The following RNF4 variants were observed in gnomAD, a reference collection of about 807,000 sequenced individuals.
RNF4 encodes E3 ubiquitin-protein ligase RNF4.
In RNF4, 7 loss-of-function variants were observed where a neutral mutation model predicts 24.3. The observed-to-expected ratio is 0.29, with a 90% CI of 0.16 to 0.54. The LOEUF is 0.54. Ranked by LOEUF, RNF4 falls within the 20% of genes least tolerant of loss-of-function variation. The pLI is 0.95. For synonymous variants in RNF4, 83 were observed against 84.3 expected, an observed-to-expected ratio of 0.98 and a Z score of 0.09; for missense variants, 209 against 248.5, an observed-to-expected ratio of 0.84 and a Z score of 1.07.
intron 1 of RNF4, among the ~76,000 whole-genome samples, chr4:2,486,568 T>C (rs1735414352): frequency 1.3e-5 from 2 of 152,108 alleles, no homozygotes; most frequent in Admixed American, 1.3e-4. Flanking sequence ...GGCCAGGGCA[T>C]GGAGAATGAG....
At chr4:2,497,334 T>G (rs1233372427) in intron 3 of RNF4, 6 of 376,848 alleles carry the variant, frequency 1.6e-5, no homozygotes, top group Non-Finnish European at 2.4e-5. Flanking sequence ...TGGGGTAGGA[T>G]CCATTTAAAA....
At chr4:2,495,451 T>C (rs1343215265) in intron 2 of RNF4, among the ~76,000 whole-genome samples, 1 of 152,160 alleles carries the variant, frequency 6.6e-6, no homozygotes, top group East Asian at 1.9e-4. Context: ...TTTACATACA[T>C]GATCTCATTT....
chr4:2,484,069 C>T (rs911179290), intron 1 of RNF4, among the ~76,000 whole-genome samples: 1 of 35,710 alleles, frequency 2.8e-5, no homozygotes, highest in Admixed American at 1.7e-4. Context: ...TCAGGTGATC[C>T]CCCCCCGCCT....
chr4:2,515,632 C>T lies in RNF4; in HGVS notation c.*1813C>T, dbSNP rs1439745287. 2 of 152,476 alleles carry T rather than the reference C, an allele frequency of 1.3e-5. No homozygotes were observed. The highest frequency in any genetic ancestry group is 2.4e-5 in the African/African-American group (1 of 41,416). The allele number at this position is 152,476 out of a possible 1,614,324, so 9.4% of individuals were successfully genotyped here. A position where few individuals can be genotyped will look rare whatever the true frequency, so the allele number is the denominator to read the frequency against. Reference sequence around the variant, plus strand: ...GTTAATTATAAAAGTTGTGTTACTTCGTCCTAAATTAAATTGATAGAAAGA... The same window carrying T: ...GTTAATTATAAAAGTTGTGTTACTTTGTCCTAAATTAAATTGATAGAAAGA... On this transcript the variant is annotated 3_prime_UTR_variant, in exon 8 of 8. Transcript: ENST00000314289.
chr4:2,498,353 T>C (rs1466382912), intron 3 of RNF4, among the ~76,000 whole-genome samples: 1 of 151,840 alleles, frequency 6.6e-6, no homozygotes, highest in East Asian at 1.9e-4. Context: ...CCGGCTAAAT[T>C]TTTTTTGTAT....
chr4:2,471,294 A>G (rs558066070), intron 1 of RNF4, among the ~76,000 whole-genome samples: 10 of 152,316 alleles, frequency 6.6e-5, no homozygotes, highest in African/African-American at 2.2e-4. Context: ...TACATCTGTT[A>G]TAGTGACCTG....
intron 1 of RNF4, among the ~76,000 whole-genome samples, chr4:2,487,634 C>A (rs1214363874): frequency 6.6e-6 from 1 of 152,064 alleles, no homozygotes; most frequent in Non-Finnish European, 1.5e-5. Context: ...GTTAACCAAG[C>A]TAGTTTCCAA....
chr4:2,495,610 C>G (rs1319101247), intron 2 of RNF4, among the ~76,000 whole-genome samples: 2 of 138,990 alleles, frequency 1.4e-5, no homozygotes, highest in East Asian at 4.2e-4. Flanking sequence ...TACAAGGTGA[C>G]AGGCTCTGTT....
chr4:2,504,533 T>G (rs540442953), intron 4 of RNF4, among the ~76,000 whole-genome samples: 9 of 140,184 alleles, frequency 6.4e-5, no homozygotes. Flanking sequence ...CTTTTATTTA[T>G]TTATTTATTT....
At chr4:2,500,981 T>C (rs543337580) in intron 4 of RNF4, among the ~76,000 whole-genome samples, 34 of 152,382 alleles carry the variant, frequency 2.2e-4, no homozygotes, top group African/African-American at 7.5e-4. Flanking sequence ...AATCATTTGT[T>C]ATAGCCTTGT....
intron 1 of RNF4, among the ~76,000 whole-genome samples, chr4:2,484,455 T>C (rs1735347800): frequency 6.6e-6 from 1 of 152,142 alleles, no homozygotes; most frequent in African/African-American, 2.4e-5. Context: ...TAGAGACACA[T>C]GCACATATGC....
chr4:2,499,893 A>G (rs1283848727), intron 3 of RNF4, among the ~76,000 whole-genome samples: 1 of 152,104 alleles, frequency 6.6e-6, no homozygotes, highest in Admixed American at 6.6e-5. Context: ...ACGGTGGCTC[A>G]CGCCTGTAAT....
chr4:2,500,648 T>G lies in RNF4; in HGVS notation c.125-11T>G. The G allele has an allele frequency of 6.2e-7, 1 of 1,613,554 alleles. No homozygotes were observed. Among genetic ancestry groups the G allele is most frequent in the South Asian group, 1.1e-5 (1 of 91,014 alleles). On this transcript the variant is annotated splice_polypyrimidine_tract_variant and intron_variant, in intron 3 of 7. Transcript: ENST00000314289. ...TAATCTTAATGCTTGTTGAAATACTTTCTTTTGAAGCTGGAGATGAAATTG... is the reference window on the plus strand; with the variant it reads ...TAATCTTAATGCTTGTTGAAATACTGTCTTTTGAAGCTGGAGATGAAATTG...
chr4:2,477,694 C>T (rs948825938), intron 1 of RNF4, among the ~76,000 whole-genome samples: 5 of 152,170 alleles, frequency 3.3e-5, no homozygotes, highest in African/African-American at 9.7e-5. Context: ...CCTTGCCTTC[C>T]GCCATGATTG....
intron 1 of RNF4, among the ~76,000 whole-genome samples, chr4:2,478,114 C>T (rs889738300): frequency 1.3e-5 from 2 of 152,166 alleles, no homozygotes; most frequent in African/African-American, 4.8e-5. Flanking sequence ...CCGCATTTTG[C>T]CCCTGCCCTA....
In RNF4 at chr4:2,513,934, T is replaced by C. The variant is rs1384581763; in HGVS notation, c.*115T>C. ...AGACTGTTTCGAAACCAACATCTGA[T>C]ATGTAAACTGCTCTTTTGTTTCCAA... On this transcript the variant is annotated 3_prime_UTR_variant, in exon 8 of 8. Coordinates refer to ENST00000314289, the MANE Select transcript of RNF4 (RefSeq NM_002938.5). 7.5e-7 allele frequency: 1 copy of C among 1,330,562 alleles called. No individual in the cohort carries two copies. The highest frequency in any genetic ancestry group is 1.1e-6 in the Non-Finnish European group (1 of 946,952). 82.4% of individuals were successfully genotyped at this position (1,330,562 alleles called of 1,614,324 possible). A position where few individuals can be genotyped will look rare whatever the true frequency, so the allele number is the denominator to read the frequency against.
At chr4:2,477,280 A>G (rs1417932776) in intron 1 of RNF4, among the ~76,000 whole-genome samples, 2 of 152,114 alleles carry the variant, frequency 1.3e-5, no homozygotes, top group African/African-American at 4.8e-5. Flanking sequence ...GATGGTGAAT[A>G]AGTCTCAAGA....
At chr4:2,496,449 T>C (rs145534473) in intron 2 of RNF4, among the ~76,000 whole-genome samples, 2 of 152,336 alleles carry the variant, frequency 1.3e-5, no homozygotes, top group East Asian at 3.9e-4. Context: ...GGATGCATCG[T>C]GTCCCTTTTG....
At chr4:2,492,232 A>G (rs1355129557) in intron 2 of RNF4, among the ~76,000 whole-genome samples, 2 of 151,752 alleles carry the variant, frequency 1.3e-5, no homozygotes, top group African/African-American at 4.8e-5. Context: ...TTTTGTAGGC[A>G]TGGAGTCTTA....
Sources: gnomAD v4.1 joint callset for allele counts (sites outside exome capture counted in the v4.1 genomes callset) on GRCh38, gnomAD v4.1.1 for gene constraint, MANE v1.5 for transcripts, NCBI Gene and HGNC (gene_info 2026-07-23, HGNC 2026-07-21) for gene names.